The following FRMD4B variants were observed in gnomAD, a reference collection of about 807,000 sequenced individuals.
The protein encoded by FRMD4B is FERM domain-containing protein 4B.
FRMD4B carries 74 observed loss-of-function variants against 141.5 expected under a neutral mutation model. The ratio of observed to expected loss-of-function variants is 0.52; its 90% CI spans 0.43 to 0.63. FRMD4B has a LOEUF of 0.63. Among genes scored for constraint, FRMD4B ranks in the 30% least tolerant of loss-of-function variants. The probability of loss-of-function intolerance (pLI) is 0.00; values close to 1 mark genes in which losing one functional copy is unlikely to be tolerated. For missense variants in FRMD4B, 1,366 were observed against 1,253.4 expected, an observed-to-expected ratio of 1.09 and a Z score of -1.36; for synonymous variants, 506 against 467.9, an observed-to-expected ratio of 1.08 and a Z score of -1.05.
intron 1 of FRMD4B, among the ~76,000 whole-genome samples, chr3:69,541,860 C>T (rs555684082): frequency 6.6e-6 from 1 of 150,420 alleles, no homozygotes; most frequent in South Asian, 2.1e-4. Context: ...AGCTTTTCTC[C>T]CGACCTCCCA....
rs141376667 is a variant in FRMD4B, at chr3:69,520,625, A to G, written c.-129+21581T>C. 6.5e-3 allele frequency among the ~76,000 whole-genome samples: 988 copies of G among 152,002 alleles called. 10 individuals are homozygous for G. Among genetic ancestry groups the G allele is most frequent in the African/African-American group, 0.023 (939 of 41,446 alleles). On this transcript the variant is annotated intron_variant, in intron 1 of 5. Transcript: ENST00000459638. Reference sequence around the variant, plus strand: ...AACACCCAAGAAGAAACCCTTGGCCAAAAGGGGACAAGAGCCCATGGAAAA... The same window carrying G: ...AACACCCAAGAAGAAACCCTTGGCCGAAAGGGGACAAGAGCCCATGGAAAA...
chr3:69,304,009 G>A (rs1249536142), intron 3 of FRMD4B, among the ~76,000 whole-genome samples: 3 of 151,810 alleles, frequency 2.0e-5, no homozygotes, highest in Admixed American at 2.0e-4. Flanking sequence ...GTACAGGGTC[G>A]GTGCTAGGCA....
chr3:69,540,211 A>T (rs925236050), intron 1 of FRMD4B, among the ~76,000 whole-genome samples: 1 of 152,142 alleles, frequency 6.6e-6, no homozygotes, highest in Non-Finnish European at 1.5e-5. Context: ...AATTGTAGAA[A>T]CACCAATACA....
At chr3:69,426,504 T>C (rs955038888) in intron 2 of FRMD4B, among the ~76,000 whole-genome samples, 3 of 152,152 alleles carry the variant, frequency 2.0e-5, no homozygotes, top group Non-Finnish European at 4.4e-5. Flanking sequence ...TTTCAGGAAG[T>C]ATTGTGAGAC....
intron 22 of FRMD4B, among the ~76,000 whole-genome samples, chr3:69,173,306 C>T (rs998312932): frequency 6.6e-6 from 1 of 151,946 alleles, no homozygotes; most frequent in African/African-American, 2.4e-5. Flanking sequence ...ACAATTATGC[C>T]AATTGTACTA....
chr3:69,266,198 T>C (rs2093561048), intron 5 of FRMD4B, among the ~76,000 whole-genome samples: 1 of 150,118 alleles, frequency 6.7e-6, no homozygotes, highest in Admixed American at 6.7e-5. Context: ...TGAGACCTTG[T>C]CTCAAAAAAG....
At chr3:69,367,459 A>C (rs546041931) in intron 1 of FRMD4B, among the ~76,000 whole-genome samples, 1 of 152,322 alleles carries the variant, frequency 6.6e-6, no homozygotes, top group African/African-American at 2.4e-5. Flanking sequence ...ACATACATAT[A>C]TACATACACA....
chr3:69,531,971 A>C (rs2107157460), intron 1 of FRMD4B, among the ~76,000 whole-genome samples: 1 of 152,290 alleles, frequency 6.6e-6, no homozygotes, highest in East Asian at 1.9e-4. Context: ...ACACTACACT[A>C]CTTTTTTTCT....
At chr3:69,185,029 C>T (rs2092749928) in intron 19 of FRMD4B, among the ~76,000 whole-genome samples, 4 of 152,074 alleles carry the variant, frequency 2.6e-5, no homozygotes, top group Admixed American at 2.0e-4. Context: ...TGTGACCTGG[C>T]GCGGTGGCTC....
chr3:69,288,906 T>C (rs1448851916), intron 4 of FRMD4B, among the ~76,000 whole-genome samples: 1 of 152,208 alleles, frequency 6.6e-6, no homozygotes, highest in East Asian at 1.9e-4. Flanking sequence ...ATGATACCTT[T>C]GATAAATAAA....
chr3:69,270,823 C>T (rs1401173700), intron 5 of FRMD4B, among the ~76,000 whole-genome samples: 1 of 152,144 alleles, frequency 6.6e-6, no homozygotes, highest in Non-Finnish European at 1.5e-5. Flanking sequence ...CTCGGCCTCT[C>T]AAAGTGCTGG....
In FRMD4B at chr3:69,524,747, T is replaced by C. The variant is rs114779121; in HGVS notation, c.-129+17459A>G. Among the ~76,000 whole-genome samples the C allele has an allele frequency of 1.6e-3, 251 of 152,220 alleles. 1 individual carries two copies. Among genetic ancestry groups the C allele is most frequent in the African/African-American group, 5.8e-3 (240 of 41,544 alleles). Reference sequence around the variant, plus strand: ...CCTTTAAATGGGAATAACTCAGAAGTGGCACACACTTCCTCTCACAGTCCT... The same window carrying C: ...CCTTTAAATGGGAATAACTCAGAAGCGGCACACACTTCCTCTCACAGTCCT... On this transcript the variant is annotated intron_variant, in intron 1 of 5. Coordinates refer to the FRMD4B transcript ENST00000459638.
chr3:69,471,477 G>T, intron 1 of FRMD4B: 2 of 262,754 alleles, frequency 7.6e-6, no homozygotes, highest in South Asian at 1.5e-4. Flanking sequence ...TTAATTTCAT[G>T]ACCCCTTTTA....
At chr3:69,221,818 G>T (rs771459588) in intron 9 of FRMD4B, 40 bp downstream of exon 9, 5 of 968,702 alleles carry the variant, frequency 5.2e-6, no homozygotes, top group Non-Finnish European at 8.2e-6. Flanking sequence ...TCAGATGAGA[G>T]ATATTAAAAT....
intron 2 of FRMD4B, among the ~76,000 whole-genome samples, chr3:69,418,826 G>GTGTC (rs900123791): frequency 1.3e-5 from 2 of 151,896 alleles, no homozygotes; most frequent in East Asian, 3.9e-4. Context: ...GCAACTATGT[G>GTGTC]TGTGTGTGTG....
At chr3:69,440,750 C>T (rs569504897) in intron 1 of FRMD4B, among the ~76,000 whole-genome samples, 66 of 152,136 alleles carry the variant, frequency 4.3e-4, no homozygotes, top group Middle Eastern at 3.4e-3. Context: ...AGAGGTTGCA[C>T]TGAGGCAAGA....
intron 1 of FRMD4B, among the ~76,000 whole-genome samples, chr3:69,363,564 T>C (rs1366894507): frequency 2.0e-5 from 3 of 152,114 alleles, no homozygotes; most frequent in Non-Finnish European, 4.4e-5. Flanking sequence ...TAATTTTTTG[T>C]ATTTTTAGTA....
chr3:69,223,179 C>T (rs1035929542), intron 8 of FRMD4B, among the ~76,000 whole-genome samples: 7 of 152,158 alleles, frequency 4.6e-5, no homozygotes, highest in African/African-American at 1.7e-4. Flanking sequence ...ATTTCTATCT[C>T]CATATGACTA....
intron 7 of FRMD4B, among the ~76,000 whole-genome samples, chr3:69,245,834 G>GTTTT (rs1183774603): frequency 0.15 from 11,904 of 78,130 alleles, 1,383 homozygotes; most frequent in African/African-American, 0.18. Context: ...AGGCTAATTT[G>GTTTT]TTTTTTTTTT....
Sources: gnomAD v4.1 joint callset for allele counts (sites outside exome capture counted in the v4.1 genomes callset) on GRCh38, gnomAD v4.1.1 for gene constraint, MANE v1.5 for transcripts, NCBI Gene and HGNC (gene_info 2026-07-23, HGNC 2026-07-21) for gene names.